Variants in ALG13 observed in about 807,000 individuals in gnomAD.
ALG13 encodes ALG13 UDP-N-acetylglucosaminyltransferase subunit, also known as UDP-N-acetylglucosamine transferase subunit ALG13.
A neutral mutation model predicts 87.8 loss-of-function variants in ALG13; 11 were observed. The observed-to-expected ratio is 0.13, with a 90% CI of 0.08 to 0.21. The LOEUF is 0.21. Among genes scored for constraint, ALG13 ranks in the 10% least tolerant of loss-of-function variants. ALG13 has a pLI of 1.00. For missense variants in ALG13, 756 were observed against 866.1 expected, an observed-to-expected ratio of 0.87 and a Z score of 1.60; for synonymous variants, 320 against 306.3, an observed-to-expected ratio of 1.04 and a Z score of -0.47.
chrX:111,733,132 G>T (rs1180722964), intron 21 of ALG13, among the ~76,000 whole-genome samples: 1 of 111,355 alleles, frequency 9.0e-6, no homozygotes, highest in Non-Finnish European at 1.9e-5. Flanking sequence ...AAAACTCTTT[G>T]TCTTTAATTT....
chrX:111,687,038 A>G (rs2147734887), intron 3 of ALG13, among the ~76,000 whole-genome samples: 1 of 110,877 alleles, frequency 9.0e-6, no homozygotes, highest in Admixed American at 9.5e-5. Flanking sequence ...GCTCACCTCA[A>G]CCTCCACCTC....
At chrX:111,757,823 A>G (rs1350714965) in intron 26 of ALG13, 61 bp downstream of exon 26, 17 of 1,055,528 alleles carry the variant, frequency 1.6e-5, no homozygotes, top group African/African-American at 1.3e-4. Context: ...GTGTAATTCA[A>G]TAATAGCTTT....
At chrX:111,709,593 T>G (rs1373210589) in intron 5 of ALG13, among the ~76,000 whole-genome samples, 8 of 111,887 alleles carry the variant, frequency 7.2e-5, no homozygotes, top group Admixed American at 5.7e-4. Flanking sequence ...CTGCCACTAA[T>G]GATTAACTTT....
chrX:111,686,393 C>T (rs191851593), intron 3 of ALG13, among the ~76,000 whole-genome samples: 2 of 112,305 alleles, frequency 1.8e-5, no homozygotes, highest in African/African-American at 6.5e-5. Context: ...TCAGTAAATA[C>T]TTATTCATTC....
chrX:111,755,428 G>T (rs762324012), intron 25 of ALG13, among the ~76,000 whole-genome samples: 10 of 112,062 alleles, frequency 8.9e-5, no homozygotes, highest in Admixed American at 8.5e-4. Flanking sequence ...AACTAAAATT[G>T]ACAAGTGGGA....
chrX:111,736,301 C>T (rs1943238113), intron 22 of ALG13, among the ~76,000 whole-genome samples: 1 of 111,225 alleles, frequency 9.0e-6, no homozygotes, highest in Non-Finnish European at 1.9e-5. Flanking sequence ...GAGACCCTGT[C>T]TCAAAGAAAG....
chrX:111,712,181 C>T (rs138878988), intron 6 of ALG13, among the ~76,000 whole-genome samples: 2 of 111,829 alleles, frequency 1.8e-5, no homozygotes, highest in Non-Finnish European at 3.8e-5. Context: ...TAAAAAAGCA[C>T]ATTTACTAAA....
chrX:111,690,619 T>G (rs954065226), intron 3 of ALG13, among the ~76,000 whole-genome samples: 2 of 110,862 alleles, frequency 1.8e-5, no homozygotes, highest in African/African-American at 6.6e-5. Flanking sequence ...TTTAATTTTT[T>G]TTTTTTTGTA....
intron 15 of ALG13, among the ~76,000 whole-genome samples, chrX:111,726,054 C>G (rs1941969204): frequency 9.0e-6 from 1 of 111,353 alleles, no homozygotes; most frequent in Non-Finnish European, 1.9e-5. Context: ...CGCCATTCTC[C>G]TGCCTCAGCC....
intron 23 of ALG13, among the ~76,000 whole-genome samples, chrX:111,744,185 A>G (rs938540686): frequency 1.8e-5 from 2 of 111,695 alleles, no homozygotes; most frequent in Non-Finnish European, 3.8e-5. Flanking sequence ...AAAGTTCCCT[A>G]TATTCCTGAG....
intron 12 of ALG13, 82 bp from the exon 13 acceptor site, chrX:111,722,711 C>A: frequency 1.5e-6 from 1 of 676,302 alleles, no homozygotes; most frequent in Non-Finnish European, 2.3e-6. Context: ...AAAGGCACTA[C>A]GGTAAAAGTA....
intron 19 of ALG13, among the ~76,000 whole-genome samples, chrX:111,729,027 A>C (rs1235286025): frequency 8.9e-6 from 1 of 111,880 alleles, no homozygotes; most frequent in African/African-American, 3.2e-5. Context: ...CATACCATCA[A>C]CACAATTAAT....
intron 8 of ALG13, among the ~76,000 whole-genome samples, chrX:111,713,747 T>A (rs2148057386): frequency 1.8e-5 from 2 of 111,956 alleles, no homozygotes; most frequent in East Asian, 5.6e-4. Context: ...CCCAAGTAAT[T>A]GTAGTGTTTA....
chrX:111,691,386 C>A (rs1360450435), intron 3 of ALG13, among the ~76,000 whole-genome samples: 1 of 111,777 alleles, frequency 8.9e-6, no homozygotes, highest in Non-Finnish European at 1.9e-5. Flanking sequence ...CAGGCGTGAG[C>A]CACCACACCC....
intron 11 of ALG13, among the ~76,000 whole-genome samples, chrX:111,721,159 C>A (rs1156500236): frequency 7.9e-5 from 2 of 25,317 alleles, no homozygotes; most frequent in Non-Finnish European, 1.4e-4. Context: ...TTAATTCTTC[C>A]TTCTTCATAG....
At chrX:111,690,415 G>A in intron 3 of ALG13, 1 of 748,791 alleles carries the variant, frequency 1.3e-6, no homozygotes, top group Non-Finnish European at 1.6e-6. Context: ...GAGATGTGAT[G>A]TTTTGGGATG....
chrX:111,724,090 A>AAT (rs1031416920), intron 14 of ALG13, among the ~76,000 whole-genome samples, 192 bp downstream of exon 14: 23 of 112,348 alleles, frequency 2.0e-4, no homozygotes, highest in African/African-American at 7.4e-4. Flanking sequence ...AGATATGTAT[A>AAT]AAAGTTTTCA....
chrX:111,686,750 G>A (rs1171783433), intron 3 of ALG13, among the ~76,000 whole-genome samples: 1 of 112,236 alleles, frequency 8.9e-6, no homozygotes, highest in Non-Finnish European at 1.9e-5. Context: ...CTTTGATTTT[G>A]TGTTAGTACA....
chrX:111,752,769 T>A, intron 24 of ALG13, 21 bp from the exon 25 acceptor site: 1 of 1,120,733 alleles, frequency 8.9e-7, no homozygotes, highest in Non-Finnish European at 1.2e-6. Context: ...AGTCACTAAT[T>A]TTTTTGATTT....
Sources: gnomAD v4.1 joint callset for allele counts (sites outside exome capture counted in the v4.1 genomes callset) on GRCh38, gnomAD v4.1.1 for gene constraint, MANE v1.5 for transcripts, NCBI Gene and HGNC (gene_info 2026-07-23, HGNC 2026-07-21) for gene names.